DLC1: variants seen among roughly 807,000 people sequenced by gnomAD.
DLC1 encodes the protein DLC1 Rho GTPase activating protein, also known as rho GTPase-activating protein 7.
DLC1 carries 54 observed loss-of-function variants against 140.3 expected under a neutral mutation model. The ratio of observed to expected loss-of-function variants is 0.38; its 90% confidence interval spans 0.31 to 0.48. The LOEUF is 0.48. Ranked by LOEUF, DLC1 falls within the 20% of genes least tolerant of loss-of-function variation. The pLI is 0.96. For synonymous variants in DLC1, 986 were observed against 728.1 expected, an observed-to-expected ratio of 1.35 and a Z score of -5.70; for missense variants, 2,536 against 1,907.0, an observed-to-expected ratio of 1.33 and a Z score of -6.14.
chr8:13,089,086 C>A (rs753348938), intron 15 of DLC1, among the ~76,000 whole-genome samples: 1 of 151,674 alleles, frequency 6.6e-6, no homozygotes, highest in African/African-American at 2.4e-5. Flanking sequence ...TGGTGAAACC[C>A]TGTCTCTACT....
chr8:13,101,994 A>G (rs76171840), intron 8 of DLC1, among the ~76,000 whole-genome samples: 2,332 of 152,262 alleles, frequency 0.015, 62 homozygotes, highest in African/African-American at 0.052. Context: ...GCTGGCTTCT[A>G]GGACTCTTCT....
chr8:13,165,248 C>T (rs1825025887), intron 5 of DLC1, among the ~76,000 whole-genome samples: 1 of 151,884 alleles, frequency 6.6e-6, no homozygotes, highest in Non-Finnish European at 1.5e-5. Context: ...TCTAGCAATC[C>T]CACTTTATAC....
At chr8:13,432,659 C>G (rs936588792) in intron 2 of DLC1, among the ~76,000 whole-genome samples, 2 of 152,086 alleles carry the variant, frequency 1.3e-5, no homozygotes, top group African/African-American at 4.8e-5. Flanking sequence ...TGTAAAGTGC[C>G]TCAGTGAAAA....
intron 1 of DLC1, among the ~76,000 whole-genome samples, chr8:13,583,056 T>A (rs1585301795): frequency 6.6e-6 from 1 of 151,844 alleles, no homozygotes; most frequent in Admixed American, 6.6e-5. Context: ...TTGATGTTGA[T>A]GGCTGCTGAC....
At chr8:13,250,159 A>G (rs184584904) in intron 5 of DLC1, among the ~76,000 whole-genome samples, 9 of 152,338 alleles carry the variant, frequency 5.9e-5, no homozygotes, top group African/African-American at 2.2e-4. Context: ...TTGTTAAATA[A>G]ATATTTCCAT....
At chr8:13,166,786 A>G (rs1481656418) in intron 5 of DLC1, among the ~76,000 whole-genome samples, 1 of 152,162 alleles carries the variant, frequency 6.6e-6, no homozygotes, top group Non-Finnish European at 1.5e-5. Context: ...TAATAATCCC[A>G]GTTCATACTA....
intron 5 of DLC1, among the ~76,000 whole-genome samples, chr8:13,156,268 C>G (rs1198153538): frequency 6.6e-6 from 1 of 152,170 alleles, no homozygotes; most frequent in Non-Finnish European, 1.5e-5. Flanking sequence ...CCATGAATAT[C>G]ATGGCCAAAA....
At chr8:13,389,206 C>A (rs912151103) in intron 4 of DLC1, among the ~76,000 whole-genome samples, 1 of 151,988 alleles carries the variant, frequency 6.6e-6, no homozygotes, top group Admixed American at 6.6e-5. Context: ...TAATGAATAT[C>A]TGCACTTATA....
chr8:13,554,804 G>A (rs950994550), intron 1 of DLC1, among the ~76,000 whole-genome samples: 2 of 152,122 alleles, frequency 1.3e-5, no homozygotes, highest in Non-Finnish European at 2.9e-5. Context: ...GTCTATCACA[G>A]CAGCCAGAGA....
At chr8:13,534,405 G>T (rs7017082) in intron 1 of DLC1, among the ~76,000 whole-genome samples, 1 of 152,200 alleles carries the variant, frequency 6.6e-6, no homozygotes, top group Non-Finnish European at 1.5e-5. Flanking sequence ...TCAATAGAAG[G>T]CTCAGAACAT....
At chr8:13,257,195 C>G (rs938776787) in intron 5 of DLC1, among the ~76,000 whole-genome samples, 1 of 150,800 alleles carries the variant, frequency 6.6e-6, no homozygotes, top group Admixed American at 6.6e-5. Flanking sequence ...ACACAGTTCC[C>G]GGGACTACAT....
intron 5 of DLC1, among the ~76,000 whole-genome samples, chr8:13,189,911 GC>G (rs1826646756): frequency 6.6e-6 from 1 of 151,852 alleles, no homozygotes; most frequent in Non-Finnish European, 1.5e-5. Context: ...TGCACTCTTG[GC>G]CCTGGCTTCC....
chr8:13,225,914 C>T (rs1261909201), intron 5 of DLC1, among the ~76,000 whole-genome samples: 1 of 152,076 alleles, frequency 6.6e-6, no homozygotes, highest in Non-Finnish European at 1.5e-5. Flanking sequence ...CGCGCCTGGC[C>T]TATTTTTTTA....
At chr8:13,402,752 G>T (rs1429293431) in intron 2 of DLC1, among the ~76,000 whole-genome samples, 2 of 152,082 alleles carry the variant, frequency 1.3e-5, no homozygotes, top group African/African-American at 4.8e-5. Context: ...ATTGATGATG[G>T]CCTGAATCAC....
chr8:13,499,621 G>T lies in DLC1; in HGVS notation c.451C>A (p.Leu151Met). The T allele has an allele frequency of 6.2e-7, 1 of 1,614,154 alleles. No individual in the cohort carries two copies. Among genetic ancestry groups the T allele is most frequent in the Non-Finnish European group, 8.5e-7 (1 of 1,180,020 alleles). ...IQGAGSLEKA[L>M]PIIQSNQVSS... ...ACTTGGTTACTTTGTATGATGGGCA[G>T]TGCCTTTTCTAAGGAGCCTGCTCCT... The change falls in exon 2 of 18, where the codon CTG becomes ATG. Residue 151 changes from leucine to methionine, a missense_variant. Coordinates refer to ENST00000276297, the MANE Select transcript of DLC1 (RefSeq NM_182643.3).
intron 1 of DLC1, among the ~76,000 whole-genome samples, chr8:13,555,012 C>G (rs950944955): frequency 6.6e-6 from 1 of 152,220 alleles, no homozygotes; most frequent in Non-Finnish European, 1.5e-5. Flanking sequence ...AAGCACGTCT[C>G]TTTCTGTTCT....
intron 3 of DLC1, among the ~76,000 whole-genome samples, chr8:13,396,424 C>T (rs1837047844): frequency 6.6e-6 from 1 of 152,104 alleles, no homozygotes; most frequent in Admixed American, 6.6e-5. Flanking sequence ...TCTTTTGAAC[C>T]ATGTAATGCT....
At chr8:13,365,280 T>G (rs1835427360) in intron 4 of DLC1, among the ~76,000 whole-genome samples, 1 of 152,146 alleles carries the variant, frequency 6.6e-6, no homozygotes, top group African/African-American at 2.4e-5. Context: ...GCTAGGCTAT[T>G]GAATGCAGTG....
At chr8:13,149,838 G>A (rs1205029109) in intron 5 of DLC1, among the ~76,000 whole-genome samples, 4 of 152,194 alleles carry the variant, frequency 2.6e-5, no homozygotes, top group Non-Finnish European at 5.9e-5. Context: ...AACAGCTCCT[G>A]GGGGCGTCAG....
Sources: gnomAD v4.1 joint callset for allele counts (sites outside exome capture counted in the v4.1 genomes callset) on GRCh38, gnomAD v4.1.1 for gene constraint, MANE v1.5 for transcripts, NCBI Gene and HGNC (gene_info 2026-07-23, HGNC 2026-07-21) for gene names.